PTPRB: variants seen among roughly 807,000 people sequenced by gnomAD.
PTPRB encodes the protein receptor-type tyrosine-protein phosphatase beta.
Under a neutral mutation model 238.1 loss-of-function variants are expected in PTPRB, and 97 were observed. That is an observed-to-expected ratio of 0.41 (90% confidence interval 0.35 to 0.48). The LOEUF (loss-of-function observed/expected upper bound fraction) is 0.48. Ranked by LOEUF, PTPRB falls within the 20% of genes least tolerant of loss-of-function variation. The probability of loss-of-function intolerance (pLI) is 0.30; values close to 1 mark genes in which losing one functional copy is unlikely to be tolerated. For synonymous variants in PTPRB, 970 were observed against 995.4 expected, an observed-to-expected ratio of 0.97 and a Z score of 0.48; for missense variants, 2,292 against 2,681.9, an observed-to-expected ratio of 0.85 and a Z score of 3.21.
At chr12:70,592,167 G>T in intron 7 of PTPRB, 115 bp downstream of exon 7, 1 of 1,430,304 alleles carries the variant, frequency 7.0e-7, no homozygotes, top group Non-Finnish European at 9.6e-7. Context: ...AGTTACATAG[G>T]CTCCACTTCT....
At chr12:70,624,931 A>C (rs1406023922) in intron 2 of PTPRB, among the ~76,000 whole-genome samples, 1 of 152,188 alleles carries the variant, frequency 6.6e-6, no homozygotes, top group African/African-American at 2.4e-5. Context: ...AAAGTAGATA[A>C]ATTTTCAAAA....
At position 70,521,441 on chromosome 12, in the gene PTPRB, A is replaced by AAATC. The variant is rs756457225; in HGVS notation, c.*44_*47dup. Reference sequence around the variant, plus strand: ...GGGCATGAAGCAAGTTTTTAAAAACAAATCACACAGTGAATAATTTTTATC... The same window carrying AAATC: ...GGGCATGAAGCAAGTTTTTAAAAACAAATCAATCACACAGTGAATAATTTTTATC... On this transcript the variant is annotated 3_prime_UTR_variant, in exon 34 of 34. Coordinates refer to ENST00000334414, the MANE Select transcript of PTPRB (RefSeq NM_001109754.4). 2.9e-4 allele frequency: 426 copies of AAATC among 1,493,230 alleles called. No homozygotes were observed. The highest frequency in any genetic ancestry group is 3.2e-4 in the Non-Finnish European group (361 of 1,113,844). 92.5% of individuals were successfully genotyped at this position (1,493,230 alleles called of 1,614,324 possible).
intron 31 of PTPRB, among the ~76,000 whole-genome samples, chr12:70,533,187 A>T (rs2136227966): frequency 6.6e-6 from 1 of 152,268 alleles, no homozygotes; most frequent in East Asian, 1.9e-4. Context: ...GGGATTTTTG[A>T]TACACACATT....
At chr12:70,549,889 G>A (rs1344801868) in intron 21 of PTPRB, among the ~76,000 whole-genome samples, 2 of 146,236 alleles carry the variant, frequency 1.4e-5, no homozygotes, top group Admixed American at 7.0e-5. Context: ...GCCATAACAC[G>A]AATGTGTTAC....
chr12:70,611,638 C>T lies in PTPRB; in HGVS notation c.709-2299G>A, dbSNP rs538198526. ...TTAGAAAACATGCTTTTAAAAATAC[C>T]TCTTAATGAAAAAACGAAGTTTCTT... is the stretch of plus-strand genomic sequence containing the variant. On this transcript the variant is annotated intron_variant, in intron 3 of 33. Coordinates refer to ENST00000334414, the MANE Select transcript of PTPRB (RefSeq NM_001109754.4). 2.0e-5 allele frequency among the ~76,000 whole-genome samples: 3 copies of T among 152,246 alleles called. No homozygotes were observed. The East Asian group carries it at 5.8e-4, about 29-fold the overall frequency.
chr12:70,577,094 T>C (rs1880869170), intron 10 of PTPRB, among the ~76,000 whole-genome samples: 1 of 152,216 alleles, frequency 6.6e-6, no homozygotes, highest in Non-Finnish European at 1.5e-5. Context: ...CGATAGCTTT[T>C]CTAAAGACCT....
chr12:70,631,142 C>G (rs1163807650), intron 2 of PTPRB, among the ~76,000 whole-genome samples: 1 of 152,116 alleles, frequency 6.6e-6, no homozygotes, highest in African/African-American at 2.4e-5. Context: ...GCAAAAAGAA[C>G]AAAGCTGGAG....
chr12:70,632,436 G>C (rs1885497949), intron 2 of PTPRB, among the ~76,000 whole-genome samples: 1 of 151,896 alleles, frequency 6.6e-6, no homozygotes, highest in Non-Finnish European at 1.5e-5. Flanking sequence ...CGGGGGGTGG[G>C]GGACTGGGGG....
intron 27 of PTPRB, 142 bp from the exon 28 acceptor site, chr12:70,538,373 C>G: frequency 1.5e-6 from 1 of 651,970 alleles, no homozygotes; most frequent in South Asian, 2.1e-5. Context: ...GAGGCTCAGG[C>G]AGGATAACTA....
In PTPRB at chr12:70,521,467, C is replaced by A; in HGVS notation, c.*22G>T. The A allele has an allele frequency of 6.6e-7, 1 of 1,522,312 alleles. No individual in the cohort carries two copies. The allele number at this position is 1,522,312 out of a possible 1,614,324, so 94.3% of individuals were successfully genotyped here. On this transcript the variant is annotated 3_prime_UTR_variant, in exon 34 of 34. Coordinates refer to ENST00000334414, the MANE Select transcript of PTPRB (RefSeq NM_001109754.4). ...AATCACACAGTGAATAATTTTTATCCAGGAGCTCTTCAGGTACATTCTCAA... is the reference window on the plus strand; with the variant it reads ...AATCACACAGTGAATAATTTTTATCAAGGAGCTCTTCAGGTACATTCTCAA...
At chr12:70,573,508 T>TC (rs200154417) in intron 11 of PTPRB, among the ~76,000 whole-genome samples, 3,083 of 140,776 alleles carry the variant, frequency 0.022, 133 homozygotes, top group African/African-American at 0.081. Flanking sequence ...TTCTTTTCTT[T>TC]TTTTTTTTTT....
intron 3 of PTPRB, among the ~76,000 whole-genome samples, chr12:70,619,312 T>C (rs2717436): frequency 1.3e-5 from 2 of 150,078 alleles, no homozygotes; most frequent in East Asian, 2.0e-4. Flanking sequence ...ATGATGATGA[T>C]GATAATGATA....
intron 22 of PTPRB, 63 bp downstream of exon 22, chr12:70,544,494 C>T: frequency 8.9e-7 from 1 of 1,128,634 alleles, no homozygotes; most frequent in Non-Finnish European, 1.3e-6. Flanking sequence ...CAATATCTCC[C>T]CATTAGAGGC....
At chr12:70,581,789 T>A (rs1881424732) in intron 9 of PTPRB, among the ~76,000 whole-genome samples, 1 of 151,226 alleles carries the variant, frequency 6.6e-6, no homozygotes, top group Non-Finnish European at 1.5e-5. Context: ...TTATTATACA[T>A]GAACATGTGA....
intron 3 of PTPRB, among the ~76,000 whole-genome samples, chr12:70,613,137 T>C (rs1383774483): frequency 6.6e-6 from 1 of 151,958 alleles, no homozygotes; most frequent in Non-Finnish European, 1.5e-5. Context: ...GAACTGGACA[T>C]GGGGATGAGG....
At chr12:70,562,547 T>C (rs967615007) in intron 16 of PTPRB, among the ~76,000 whole-genome samples, 4 of 152,184 alleles carry the variant, frequency 2.6e-5, no homozygotes, top group Non-Finnish European at 5.9e-5. Context: ...TAAACTATGA[T>C]GGGTTACAGC....
At chr12:70,601,876 C>T (rs540069060) in intron 4 of PTPRB, among the ~76,000 whole-genome samples, 3 of 148,420 alleles carry the variant, frequency 2.0e-5, no homozygotes, top group East Asian at 2.0e-4. Context: ...ACTGCAAGCT[C>T]CGCCTCCCAG....
chr12:70,594,519 A>T lies in PTPRB; in HGVS notation c.1464T>A (p.Val488=), dbSNP rs763141638. 8 of 1,613,840 alleles carry T rather than the reference A, an allele frequency of 5.0e-6. No individual in the cohort carries two copies. Among genetic ancestry groups the T allele is most frequent in the Non-Finnish European group, 5.9e-6 (7 of 1,179,896 alleles). Residue 488 remains valine, a synonymous_variant, in exon 6 of 34, where the codon GTT becomes GTA. Transcript: ENST00000334414. The part of the protein sequence containing the change: ...LTPGYLYNLT[V]MTEAAGLQNY... ...TTTGCAGCCCTGCAGCCTCAGTCAT[A>T]ACAGTGAGGTTGTAGAGGTAGCCAG... is the stretch of plus-strand genomic sequence containing the variant.
chr12:70,539,108 T>C (rs1874642737), intron 26 of PTPRB, 94 bp from the exon 27 acceptor site: 2 of 969,962 alleles, frequency 2.1e-6, no homozygotes, highest in East Asian at 5.1e-5. Flanking sequence ...CATGAAAATA[T>C]ATACACTAGC....
Sources: allele counts gnomAD v4.1 joint callset (sites outside exome capture counted in the v4.1 genomes callset), GRCh38; gene constraint gnomAD v4.1.1; transcripts MANE v1.5; gene names NCBI Gene and HGNC (gene_info 2026-07-23, HGNC 2026-07-21).